Variants in CNKSR2 observed in about 807,000 individuals in gnomAD.
CNKSR2 encodes CNK homolog protein 2.
CNKSR2 carries 14 observed loss-of-function variants against 84.4 expected under a neutral mutation model. The observed-to-expected ratio is 0.17, with a 90% CI of 0.11 to 0.26. CNKSR2 has a LOEUF of 0.26. Ranked by LOEUF, CNKSR2 falls within the 10% of genes least tolerant of loss-of-function variation. The probability of loss-of-function intolerance (pLI) is 1.00; values close to 1 mark genes in which losing one functional copy is unlikely to be tolerated. For missense variants in CNKSR2, 485 were observed against 771.2 expected (o/e 0.63, Z 4.40); for synonymous variants, 275 against 277.9 (o/e 0.99, Z 0.10).
At chrX:21,635,555 T>C (rs1257747552) in intron 20 of CNKSR2, among the ~76,000 whole-genome samples, 1 of 103,658 alleles carries the variant, frequency 9.6e-6, no homozygotes, top group East Asian at 2.8e-4. Context: ...TATATGTGTA[T>C]ATATGTATAT....
At chrX:21,573,860 G>A (rs745362680) in intron 13 of CNKSR2, among the ~76,000 whole-genome samples, 8 of 112,055 alleles carry the variant, frequency 7.1e-5, no homozygotes, top group South Asian at 3.7e-4. Context: ...TGTTACTCAT[G>A]CAAATTTCTG....
intron 13 of CNKSR2, among the ~76,000 whole-genome samples, chrX:21,580,333 A>G (rs1417347613): frequency 8.9e-6 from 1 of 111,887 alleles, no homozygotes; most frequent in Non-Finnish European, 1.9e-5. Flanking sequence ...TACCAGATGT[A>G]GAAACATCTG....
At chrX:21,433,653 TAC>T (rs56377458) in intron 3 of CNKSR2, among the ~76,000 whole-genome samples, 6,579 of 87,241 alleles carry the variant, frequency 0.075, 191 homozygotes, top group East Asian at 0.09. Flanking sequence ...TATGTGTTCC[TAC>T]ACACACACAC....
chrX:21,408,595 A>G (rs745703354), intron 1 of CNKSR2, among the ~76,000 whole-genome samples: 1 of 108,857 alleles, frequency 9.2e-6, no homozygotes, highest in East Asian at 2.9e-4. Flanking sequence ...ACCTCCCCCA[A>G]CCTCCACTCC....
chrX:21,648,327 T>A (rs1002506213), intron 20 of CNKSR2, among the ~76,000 whole-genome samples: 1 of 111,878 alleles, frequency 8.9e-6, no homozygotes, highest in Non-Finnish European at 1.9e-5. Context: ...TTCAATCTTA[T>A]GAAATCTGGA....
chrX:21,554,262 C>G (rs1207476925), intron 11 of CNKSR2, among the ~76,000 whole-genome samples: 1 of 111,867 alleles, frequency 8.9e-6, no homozygotes, highest in African/African-American at 3.2e-5. Context: ...TGTTATTCCC[C>G]ATTTAAAGTA....
chrX:21,608,329 G>C (rs952576055), intron 19 of CNKSR2, among the ~76,000 whole-genome samples: 12 of 111,483 alleles, frequency 1.1e-4, no homozygotes, highest in Non-Finnish European at 2.1e-4. Context: ...TGTGGCAGTA[G>C]AGGTGCCTGC....
At chrX:21,583,896 A>T (rs992393219) in intron 13 of CNKSR2, among the ~76,000 whole-genome samples, 2 of 111,904 alleles carry the variant, frequency 1.8e-5, no homozygotes, top group Non-Finnish European at 3.8e-5. Flanking sequence ...TTTCAGGCAA[A>T]TGTCTGAAAA....
At chrX:21,491,371 A>G (rs1569202369) in intron 6 of CNKSR2, 1 of 112,186 alleles carries the variant, frequency 8.9e-6, no homozygotes, top group East Asian at 2.8e-4. Context: ...CCAATTAATG[A>G]TATTTTGGAA....
chrX:21,509,351 G>A (rs1235859941), intron 8 of CNKSR2, among the ~76,000 whole-genome samples: 1 of 111,256 alleles, frequency 9.0e-6, no homozygotes, highest in Non-Finnish European at 1.9e-5. Context: ...TTAAATTGTC[G>A]GCTTTTTTTC....
chrX:21,378,905 G>T (rs2089858601), intron 1 of CNKSR2, among the ~76,000 whole-genome samples: 1 of 111,711 alleles, frequency 9.0e-6, no homozygotes, highest in African/African-American at 3.2e-5. Context: ...AAATTTTTAA[G>T]ATAGCCTTTT....
chrX:21,495,922 T>C (rs1167615471), intron 6 of CNKSR2, among the ~76,000 whole-genome samples: 2 of 107,863 alleles, frequency 1.9e-5, no homozygotes, highest in Non-Finnish European at 3.8e-5. Context: ...AATTTCATCA[T>C]TATGTGAACA....
chrX:21,518,961 T>G (rs1397301544), intron 9 of CNKSR2, among the ~76,000 whole-genome samples: 3 of 111,783 alleles, frequency 2.7e-5, no homozygotes, highest in Non-Finnish European at 5.7e-5. Context: ...AGATAAATAA[T>G]ACTATTGGTT....
At chrX:21,382,781 G>A (rs939431963) in intron 1 of CNKSR2, among the ~76,000 whole-genome samples, 6 of 111,034 alleles carry the variant, frequency 5.4e-5, no homozygotes, top group Non-Finnish European at 7.6e-5. Flanking sequence ...TCTTAAATCA[G>A]CATTTTCTTG....
intron 9 of CNKSR2, among the ~76,000 whole-genome samples, chrX:21,524,532 G>T (rs898242184): frequency 1.8e-5 from 2 of 111,012 alleles, no homozygotes; most frequent in African/African-American, 6.5e-5. Flanking sequence ...GAAGGGAAAA[G>T]ACACAAGTAC....
chrX:21,395,966 T>C (rs2090116643), intron 1 of CNKSR2, among the ~76,000 whole-genome samples: 1 of 112,036 alleles, frequency 8.9e-6, no homozygotes, highest in Non-Finnish European at 1.9e-5. Context: ...AATGCCAGTT[T>C]ACCTTTACAG....
At chrX:21,409,532 A>G (rs2090314160) in intron 1 of CNKSR2, among the ~76,000 whole-genome samples, 1 of 109,634 alleles carries the variant, frequency 9.1e-6, no homozygotes, top group South Asian at 3.9e-4. Flanking sequence ...CATTGATCAT[A>G]GTAAAATGCT....
intron 4 of CNKSR2, among the ~76,000 whole-genome samples, chrX:21,468,267 A>C (rs2091154234): frequency 9.0e-6 from 1 of 111,256 alleles, no homozygotes; most frequent in Non-Finnish European, 1.9e-5. Context: ...TAATTAATTT[A>C]GTATATTCAA....
intron 11 of CNKSR2, among the ~76,000 whole-genome samples, chrX:21,549,413 G>A (rs2092062744): frequency 8.9e-6 from 1 of 111,816 alleles, no homozygotes; most frequent in Non-Finnish European, 1.9e-5. Flanking sequence ...GGAAATCAAA[G>A]AGGACACAAA....
Sources: gnomAD v4.1 joint callset for allele counts (sites outside exome capture counted in the v4.1 genomes callset) on GRCh38, gnomAD v4.1.1 for gene constraint, MANE v1.5 for transcripts, NCBI Gene and HGNC (gene_info 2026-07-23, HGNC 2026-07-21) for gene names.